KSR2: variants seen among roughly 807,000 people sequenced by gnomAD.
The protein encoded by KSR2 is kinase suppressor of ras 2.
Under a neutral mutation model 107.8 loss-of-function variants are expected in KSR2, and 25 were observed. That is an observed-to-expected ratio of 0.23 (90% CI 0.17 to 0.32). The LOEUF is 0.32. Among genes scored for constraint, KSR2 ranks in the 10% least tolerant of loss-of-function variants. The pLI is 1.00. For synonymous variants in KSR2, 480 were observed against 507.0 expected (o/e 0.95, Z 0.71); for missense variants, 887 against 1,268.9 (o/e 0.70, Z 4.57).
At chr12:117,931,920 G>A (rs992312108) in intron 1 of KSR2, among the ~76,000 whole-genome samples, 1 of 152,112 alleles carries the variant, frequency 6.6e-6, no homozygotes, top group Admixed American at 6.6e-5. Flanking sequence ...TTACAGATGG[G>A]GATTCAAAGA....
At chr12:117,868,104 G>A (rs1349352565) in intron 1 of KSR2, among the ~76,000 whole-genome samples, 1 of 152,178 alleles carries the variant, frequency 6.6e-6, no homozygotes, top group Non-Finnish European at 1.5e-5. Flanking sequence ...GTCCTTGCTA[G>A]ATTTGGAAGA....
At chr12:117,717,979 T>C (rs1256336198) in intron 4 of KSR2, among the ~76,000 whole-genome samples, 5 of 151,250 alleles carry the variant, frequency 3.3e-5, no homozygotes, top group African/African-American at 1.2e-4. Flanking sequence ...AGGGGGCGAG[T>C]TTCTCCAACA....
intron 5 of KSR2, among the ~76,000 whole-genome samples, chr12:117,632,117 T>C (rs1351583905): frequency 6.6e-6 from 1 of 152,066 alleles, no homozygotes. Context: ...CCATTCTCAA[T>C]TTACAGCAGT....
At chr12:117,742,862 C>A (rs1888274221) in intron 4 of KSR2, among the ~76,000 whole-genome samples, 1 of 152,176 alleles carries the variant, frequency 6.6e-6, no homozygotes, top group Non-Finnish European at 1.5e-5. Flanking sequence ...ACCCTCTCTG[C>A]AAGAATAGTT....
At chr12:117,903,751 A>G (rs1894759076) in intron 1 of KSR2, among the ~76,000 whole-genome samples, 1 of 152,242 alleles carries the variant, frequency 6.6e-6, no homozygotes, top group Non-Finnish European at 1.5e-5. Context: ...CATGACTGTA[A>G]TCCCAGAACT....
intron 3 of KSR2, among the ~76,000 whole-genome samples, chr12:117,845,678 CTTTCTTTT>C (rs982236602): frequency 2.7e-5 from 4 of 149,854 alleles, no homozygotes; most frequent in African/African-American, 9.8e-5. Context: ...GACTCTTTTT[CTTTCTTTT>C]TTTTTTTTTC....
chr12:117,531,515 A>C, intron 11 of KSR2, 151 bp downstream of exon 11: 1 of 664,920 alleles, frequency 1.5e-6, no homozygotes. Context: ...CTCCACTTCC[A>C]TGTTCAGCCA....
chr12:117,534,105 G>A (rs762282241), intron 10 of KSR2, among the ~76,000 whole-genome samples: 2 of 151,912 alleles, frequency 1.3e-5, no homozygotes, highest in Non-Finnish European at 2.9e-5. Flanking sequence ...GGCTGCAGAT[G>A]AAGTCAAAGA....
intron 3 of KSR2, among the ~76,000 whole-genome samples, chr12:117,789,599 C>A (rs1890189028): frequency 6.6e-6 from 1 of 152,132 alleles, no homozygotes; most frequent in South Asian, 2.1e-4. Context: ...CATTTAAGCC[C>A]ACGTTTGGAT....
At chr12:117,844,817 C>T (rs796164907) in intron 3 of KSR2, among the ~76,000 whole-genome samples, 19 of 152,216 alleles carry the variant, frequency 1.2e-4, no homozygotes, top group African/African-American at 4.3e-4. Flanking sequence ...ACTCCTGTGT[C>T]CTTGGGAGTC....
chr12:117,678,566 C>A (rs1319353388), intron 4 of KSR2, among the ~76,000 whole-genome samples: 2 of 152,150 alleles, frequency 1.3e-5, no homozygotes, highest in Non-Finnish European at 2.9e-5. Context: ...TGCTGAGGTA[C>A]CTGAGAGGTG....
At chr12:117,957,747 T>TAACACACA (rs1896553851) in intron 1 of KSR2, among the ~76,000 whole-genome samples, 1 of 78,890 alleles carries the variant, frequency 1.3e-5, no homozygotes, top group Non-Finnish European at 2.5e-5. Context: ...GAATTGTGAG[T>TAACACACA]TACACACACA....
At chr12:117,470,306 T>A (rs1871370055) in intron 18 of KSR2, among the ~76,000 whole-genome samples, 1 of 151,886 alleles carries the variant, frequency 6.6e-6, no homozygotes, top group Admixed American at 6.6e-5. Flanking sequence ...CCATATATCA[T>A]CCACTCATCC....
chr12:117,739,303 C>G (rs1325323224), intron 4 of KSR2, among the ~76,000 whole-genome samples: 1 of 152,012 alleles, frequency 6.6e-6, no homozygotes, highest in African/African-American at 2.4e-5. Flanking sequence ...TGCAGTGAGC[C>G]GAGAGCGCGC....
chr12:117,788,548 C>T (rs528186383), intron 3 of KSR2, among the ~76,000 whole-genome samples: 38 of 152,322 alleles, frequency 2.5e-4, no homozygotes, highest in Non-Finnish European at 4.6e-4. Flanking sequence ...ATTGCCCAGG[C>T]GGGAGTGCAG....
chr12:117,603,753 C>A (rs1324256529), intron 5 of KSR2, among the ~76,000 whole-genome samples: 1 of 152,136 alleles, frequency 6.6e-6, no homozygotes, highest in Non-Finnish European at 1.5e-5. Flanking sequence ...GGGGACCCCC[C>A]AAAAAAACCT....
At chr12:117,600,641 G>A (rs1455657795) in intron 5 of KSR2, among the ~76,000 whole-genome samples, 1 of 152,202 alleles carries the variant, frequency 6.6e-6, no homozygotes, top group Admixed American at 6.5e-5. Context: ...AGCAAGTACA[G>A]CCTCCAAGGG....
chr12:117,751,746 G>A (rs1358551050), intron 4 of KSR2, among the ~76,000 whole-genome samples: 5 of 152,162 alleles, frequency 3.3e-5, no homozygotes, highest in Non-Finnish European at 7.3e-5. Context: ...CTGCCACTTG[G>A]AGGTAGGGGG....
chr12:117,732,888 C>A (rs763336017), intron 4 of KSR2, among the ~76,000 whole-genome samples: 7 of 152,146 alleles, frequency 4.6e-5, no homozygotes, highest in Non-Finnish European at 7.4e-5. Flanking sequence ...AGAGGAGATG[C>A]ATGCAGAGCA....
Sources: gnomAD v4.1 joint callset for allele counts (sites outside exome capture counted in the v4.1 genomes callset) on GRCh38, gnomAD v4.1.1 for gene constraint, MANE v1.5 for transcripts, NCBI Gene and HGNC (gene_info 2026-07-23, HGNC 2026-07-21) for gene names.